Variants in CHRM2 observed in about 807,000 individuals in gnomAD.
CHRM2 encodes the protein cholinergic receptor muscarinic 2, also known as muscarinic acetylcholine receptor M2.
In CHRM2, 8 loss-of-function variants were observed where a neutral mutation model predicts 25.0. The observed-to-expected ratio is 0.32, with a 90% CI of 0.19 to 0.58. CHRM2 has a LOEUF of 0.58. CHRM2 is among the 20% of genes least tolerant of loss of function. The pLI, the probability that CHRM2 is intolerant of heterozygous loss-of-function variation, is 0.88. For synonymous variants in CHRM2, 202 were observed against 205.7 expected, an observed-to-expected ratio of 0.98 and a Z score of 0.15; for missense variants, 440 against 567.1, an observed-to-expected ratio of 0.78 and a Z score of 2.28.
At chr7:136,953,276 CA>C (rs1800524780) in intron 2 of CHRM2, among the ~76,000 whole-genome samples, 1 of 152,004 alleles carries the variant, frequency 6.6e-6, no homozygotes, top group Non-Finnish European at 1.5e-5. Context: ...CTAAGTGCCC[CA>C]CTACCCCTAT....
intron 2 of CHRM2, among the ~76,000 whole-genome samples, chr7:136,941,589 TG>T: frequency 6.6e-6 from 1 of 152,340 alleles, no homozygotes; most frequent in African/African-American, 2.4e-5. Flanking sequence ...TTTCCTATCC[TG>T]TTATTAGTGT....
intron 2 of CHRM2, among the ~76,000 whole-genome samples, chr7:136,889,012 C>A (rs1796584365): frequency 7.3e-6 from 1 of 136,578 alleles, no homozygotes; most frequent in Admixed American, 8.4e-5. Flanking sequence ...CGCGCCACTG[C>A]ACTCCAGCCT....
chr7:136,950,832 G>A (rs1389287615), intron 2 of CHRM2, among the ~76,000 whole-genome samples: 4 of 136,462 alleles, frequency 2.9e-5, no homozygotes, highest in African/African-American at 5.2e-5. Context: ...TTGTTGTTTC[G>A]AGAGAGAGAA....
At chr7:136,873,863 G>A (rs1795942006) in intron 2 of CHRM2, among the ~76,000 whole-genome samples, 1 of 152,234 alleles carries the variant, frequency 6.6e-6, no homozygotes, top group Admixed American at 6.5e-5. Context: ...GTTGGCACGT[G>A]CTTGTCTTGT....
intron 3 of CHRM2, among the ~76,000 whole-genome samples, chr7:136,992,540 G>A (rs1019314657): frequency 1.6e-4 from 25 of 152,054 alleles, no homozygotes; most frequent in African/African-American, 5.6e-4. Flanking sequence ...CAGGAAAAAT[G>A]TTCTACACCC....
chr7:137,000,722 CTG>C (rs888795632), intron 3 of CHRM2, among the ~76,000 whole-genome samples: 40 of 151,400 alleles, frequency 2.6e-4, no homozygotes, highest in African/African-American at 9.0e-4. Flanking sequence ...AGGGGTCTGT[CTG>C]TTCACCTTTT....
Position 137,003,076 on chromosome 7 carries a change from TC to T in CHRM2, c.-47+10813del, listed in dbSNP as rs1377736007. On this transcript the variant is annotated intron_variant, in intron 3 of 3. Coordinates refer to ENST00000680005, the MANE Select transcript of CHRM2 (RefSeq NM_001006630.2). ...TTCCGTTTCAGGTTTAACTCCAAAG[TC>T]TTGTCTACTGCGTTCACAGATGCAT... Among the ~76,000 whole-genome samples, 1,441 of 152,220 alleles carry T rather than the reference TC, an allele frequency of 9.5e-3. 19 individuals are homozygous for T. Among genetic ancestry groups the T allele is most frequent in the African/African-American group, 0.033 (1,357 of 41,526 alleles).
At chr7:136,961,301 G>GT (rs1469150878) in intron 2 of CHRM2, among the ~76,000 whole-genome samples, 2 of 152,110 alleles carry the variant, frequency 1.3e-5, no homozygotes, top group Non-Finnish European at 2.9e-5. Flanking sequence ...AGCTAATAAT[G>GT]TAAGTGTTCT....
chr7:136,899,595 A>T lies in CHRM2; in HGVS notation c.-125+30177A>T, dbSNP rs1422969976. The T allele has an allele frequency of 9.9e-5, 15 of 152,070 alleles. 1 individual carries two copies. The highest frequency in any genetic ancestry group is 2.1e-4 in the Non-Finnish European group (14 of 68,004). The allele number at this position is 152,070 out of a possible 1,614,324, so 9.4% of individuals were successfully genotyped here. A position where few individuals can be genotyped will look rare whatever the true frequency, so the allele number is the denominator to read the frequency against. The stretch of plus-strand genomic sequence containing the variant: ...GTCAGAAAATATGTAATTCAATCAA[A>T]ATTAAGGAAGTAAGGAGGCATTAAT... On this transcript the variant is annotated intron_variant, in intron 2 of 3. Coordinates refer to ENST00000680005, the MANE Select transcript of CHRM2 (RefSeq NM_001006630.2).
chr7:136,995,546 T>C (rs1400699425), intron 3 of CHRM2, among the ~76,000 whole-genome samples: 1 of 152,152 alleles, frequency 6.6e-6, no homozygotes, highest in East Asian at 1.9e-4. Flanking sequence ...GAGAATCACT[T>C]GAGCCCAGGA....
intron 2 of CHRM2, among the ~76,000 whole-genome samples, chr7:136,893,364 A>G (rs1796769832): frequency 2.6e-5 from 4 of 152,194 alleles, no homozygotes; most frequent in Admixed American, 2.6e-4. Context: ...AAGACTCGCT[A>G]GAACAGTCAA....
chr7:137,018,249 A>G lies in CHRM2; in HGVS notation c.*1983A>G, dbSNP rs1480554497. The G allele has an allele frequency of 6.6e-6, 1 of 151,852 alleles. No homozygotes were observed. Among genetic ancestry groups the G allele is most frequent in the Non-Finnish European group, 1.5e-5 (1 of 67,880 alleles). 9.4% of individuals were successfully genotyped at this position (151,852 alleles called of 1,614,324 possible). A position where few individuals can be genotyped will look rare whatever the true frequency, so the allele number is the denominator to read the frequency against. On this transcript the variant is annotated 3_prime_UTR_variant, in exon 4 of 4. Coordinates refer to ENST00000680005, the MANE Select transcript of CHRM2 (RefSeq NM_001006630.2). ...ATAAGTTAGTAAGAAGCAAATTGCC[A>G]GCAGTATTTATATTTGACTTATCCT... is the stretch of plus-strand genomic sequence containing the variant.
chr7:136,870,339 T>G (rs1368757017), intron 2 of CHRM2: 1 of 152,552 alleles, frequency 6.6e-6, no homozygotes, highest in East Asian at 1.9e-4. Context: ...GTGCGGTCCA[T>G]GCCTGGTGCC....
chr7:136,876,080 GCAC>G (rs1444605653), intron 2 of CHRM2, among the ~76,000 whole-genome samples: 46 of 152,186 alleles, frequency 3.0e-4, no homozygotes, highest in African/African-American at 9.9e-4. Context: ...ACAGCCATGT[GCAC>G]CACCTGGTGC....
chr7:136,933,925 G>A (rs890234998), intron 2 of CHRM2, among the ~76,000 whole-genome samples: 5 of 152,110 alleles, frequency 3.3e-5, no homozygotes, highest in African/African-American at 9.7e-5. Flanking sequence ...AAAATTGCAA[G>A]TAACGGCTAA....
intron 2 of CHRM2, among the ~76,000 whole-genome samples, chr7:136,978,088 C>T (rs937538345): frequency 2.0e-5 from 3 of 152,040 alleles, no homozygotes; most frequent in African/African-American, 4.8e-5. Context: ...AGGGGGAACA[C>T]GGGCTGGAAA....
At chr7:136,960,315 C>T (rs970398526) in intron 2 of CHRM2, among the ~76,000 whole-genome samples, 7 of 152,222 alleles carry the variant, frequency 4.6e-5, no homozygotes, top group African/African-American at 1.4e-4. Flanking sequence ...GGACCTAGTA[C>T]TACCTTCACA....
intron 2 of CHRM2, among the ~76,000 whole-genome samples, chr7:136,930,898 C>CAAAAAAACAAAAAAAAAA (rs1799050228): frequency 1.6e-5 from 1 of 61,138 alleles, no homozygotes; most frequent in Non-Finnish European, 3.7e-5. Flanking sequence ...CTCATTCTCT[C>CAAAAAAACAAAAAAAAAA]AAAAAAAAAA....
chr7:136,886,319 A>G (rs534851639), intron 2 of CHRM2, among the ~76,000 whole-genome samples: 2 of 152,314 alleles, frequency 1.3e-5, no homozygotes, highest in African/African-American at 4.8e-5. Flanking sequence ...ATAACTTCAA[A>G]TGGTCTGGGC....
Sources: gnomAD v4.1 joint callset for allele counts (sites outside exome capture counted in the v4.1 genomes callset) on GRCh38, gnomAD v4.1.1 for gene constraint, MANE v1.5 for transcripts, NCBI Gene and HGNC (gene_info 2026-07-23, HGNC 2026-07-21) for gene names.